Variants in DCT observed in about 807,000 individuals in gnomAD.
DCT encodes dopachrome tautomerase, also known as L-dopachrome tautomerase.
Under a neutral mutation model 53.0 loss-of-function variants are expected in DCT, and 47 were observed. The ratio of observed to expected loss-of-function variants is 0.89; its 90% CI spans 0.70 to 1.13. DCT has a LOEUF of 1.13. Among genes scored for constraint, DCT ranks in the 50% most tolerant of loss-of-function variants. The pLI, the probability that DCT is intolerant of heterozygous loss-of-function variation, is 0.00. For synonymous variants in DCT, 244 were observed against 237.0 expected, an observed-to-expected ratio of 1.03 and a Z score of -0.27; for missense variants, 669 against 637.4, an observed-to-expected ratio of 1.05 and a Z score of -0.53.
the DCT span, among the ~76,000 whole-genome samples, chr13:94,538,445 C>G: frequency 6.6e-6 from 1 of 152,172 alleles, no homozygotes; most frequent in Admixed American, 6.5e-5. Flanking sequence ...CACCCCTCCC[C>G]GCCAAGCCAT....
chr13:94,481,566 T>C (rs920687800), upstream of DCT, among the ~76,000 whole-genome samples: 7 of 152,190 alleles, frequency 4.6e-5, no homozygotes, highest in African/African-American at 1.7e-4. Context: ...AATTCTTATG[T>C]CAGAATGCCC....
At chr13:94,535,067 T>C in the DCT span, among the ~76,000 whole-genome samples, 9 of 152,370 alleles carry the variant, frequency 5.9e-5, no homozygotes, top group Admixed American at 2.0e-4. Context: ...GTAAATATTC[T>C]GCAAACATCA....
the DCT span, among the ~76,000 whole-genome samples, chr13:94,528,492 TCTTAAAG>T: frequency 6.6e-6 from 1 of 152,184 alleles, no homozygotes; most frequent in Non-Finnish European, 1.5e-5. Flanking sequence ...TATTCAACAT[TCTTAAAG>T]AAAAGAATTT....
the DCT span, among the ~76,000 whole-genome samples, chr13:94,525,634 A>G: frequency 6.6e-6 from 1 of 152,192 alleles, no homozygotes; most frequent in Admixed American, 6.5e-5. Flanking sequence ...ATTGTGTCAT[A>G]TTAAACGCAA....
chr13:94,491,021 A>C, the DCT span, among the ~76,000 whole-genome samples: 2 of 152,228 alleles, frequency 1.3e-5, no homozygotes, highest in East Asian at 3.8e-4. Context: ...AGGGGTGAGC[A>C]ACCTTCTTGT....
At chr13:94,542,094 T>C in the DCT span, among the ~76,000 whole-genome samples, 1 of 152,342 alleles carries the variant, frequency 6.6e-6, no homozygotes, top group East Asian at 1.9e-4. Flanking sequence ...GCATATACGC[T>C]TCCCCTTTAC....
chr13:94,470,029 C>T (rs1884535938), intron 1 of DCT, among the ~76,000 whole-genome samples: 1 of 151,870 alleles, frequency 6.6e-6, no homozygotes. Context: ...GAGCCGAGAT[C>T]ATGCCATTGT....
At chr13:94,542,142 G>C in the DCT span, among the ~76,000 whole-genome samples, 1 of 152,090 alleles carries the variant, frequency 6.6e-6, no homozygotes, top group African/African-American at 2.4e-5. Flanking sequence ...TACTATACAA[G>C]CACTTCAAAC....
chr13:94,545,726 C>G, the DCT span, among the ~76,000 whole-genome samples: 1 of 152,072 alleles, frequency 6.6e-6, no homozygotes, highest in Non-Finnish European at 1.5e-5. Context: ...GAATAAACAG[C>G]CTTTGCTTTC....
the DCT span, among the ~76,000 whole-genome samples, chr13:94,496,777 C>T: frequency 6.6e-6 from 1 of 152,166 alleles, no homozygotes; most frequent in Admixed American, 6.5e-5. Flanking sequence ...CTGCAACATG[C>T]TCCTAGATAC....
intron 6 of DCT, among the ~76,000 whole-genome samples, chr13:94,443,884 T>A (rs964714903): frequency 6.6e-6 from 1 of 152,174 alleles, no homozygotes; most frequent in Admixed American, 6.5e-5. Flanking sequence ...GATGTATGAA[T>A]CTCTCTCTCC....
the DCT span, among the ~76,000 whole-genome samples, chr13:94,539,077 T>C: frequency 0.51 from 77,157 of 152,084 alleles, 22,185 homozygotes; most frequent in African/African-American, 0.78. Context: ...TTTTTATGAC[T>C]TTTCACAAAA....
rs1007028375 is a variant in DCT, at chr13:94,438,797, T to C, written c.*1101A>G. On this transcript the variant is annotated 3_prime_UTR_variant, in exon 8 of 8. Transcript: ENST00000377028. ...TCTGAATTGTCATGTTTTGTACAGA[T>C]GGTTTGCTTTCAAATGATAAGACTT... 12 of 351,976 alleles carry C rather than the reference T, an allele frequency of 3.4e-5. No homozygotes were observed. The highest frequency in any genetic ancestry group is 1.9e-4 in the African/African-American group (9 of 46,592). 21.8% of individuals were successfully genotyped at this position (351,976 alleles called of 1,614,324 possible). A position where few individuals can be genotyped will look rare whatever the true frequency, so the allele number is the denominator to read the frequency against.
chr13:94,465,505 G>A (rs1475778208), intron 4 of DCT, 128 bp downstream of exon 4: 2 of 765,200 alleles, frequency 2.6e-6, no homozygotes, highest in Non-Finnish European at 3.8e-6. Flanking sequence ...GAGGAAAACT[G>A]TTTTTAGAAA....
chr13:94,466,472 A>G, intron 3 of DCT, 86 bp downstream of exon 3: 2 of 731,280 alleles, frequency 2.7e-6, no homozygotes, highest in Non-Finnish European at 4.4e-6. Flanking sequence ...CAAGATAAGT[A>G]TATCAAAATT....
At chr13:94,489,622 G>A in the DCT span, among the ~76,000 whole-genome samples, 1 of 152,014 alleles carries the variant, frequency 6.6e-6, no homozygotes, top group Non-Finnish European at 1.5e-5. Context: ...ATTATTACTT[G>A]TTTGAAAAAT....
At chr13:94,488,863 TACACACACATACAC>T in the DCT span, among the ~76,000 whole-genome samples, 1 of 74,188 alleles carries the variant, frequency 1.3e-5, no homozygotes, top group Admixed American at 1.3e-4. Flanking sequence ...TACACATACA[TACACACACATACAC>T]ACACAAACAC....
At chr13:94,458,847 A>C (rs1883587150) in intron 6 of DCT, among the ~76,000 whole-genome samples, 1 of 152,010 alleles carries the variant, frequency 6.6e-6, no homozygotes, top group South Asian at 2.1e-4. Flanking sequence ...CAGAATTGTA[A>C]AATTTAGAAT....
chr13:94,544,859 T>C, the DCT span, among the ~76,000 whole-genome samples: 5 of 152,248 alleles, frequency 3.3e-5, no homozygotes, highest in South Asian at 2.1e-4. Context: ...TATGTACACA[T>C]TGATGACACA....
Sources: gnomAD v4.1 joint callset for allele counts (sites outside exome capture counted in the v4.1 genomes callset) on GRCh38, gnomAD v4.1.1 for gene constraint, MANE v1.5 for transcripts, NCBI Gene and HGNC (gene_info 2026-07-23, HGNC 2026-07-21) for gene names.